Variants in SNX24 observed in about 807,000 individuals in gnomAD.
The protein encoded by SNX24 is sorting nexin-24.
In SNX24, 22 loss-of-function variants were observed where a neutral mutation model predicts 28.7. The observed-to-expected ratio is 0.77, with a 90% CI of 0.55 to 1.10. The LOEUF (loss-of-function observed/expected upper bound fraction) is 1.10. Ranked by LOEUF, SNX24 falls within the 50% of genes least tolerant of loss-of-function variation. The pLI is 0.00. For synonymous variants in SNX24, 69 were observed against 71.5 expected (o/e 0.96, Z 0.18); for missense variants, 221 against 201.1 (o/e 1.10, Z -0.60).
intron 1 of SNX24, among the ~76,000 whole-genome samples, chr5:122,884,876 G>C (rs1756640051): frequency 6.6e-6 from 1 of 152,108 alleles, no homozygotes; most frequent in South Asian, 2.1e-4. Flanking sequence ...TGCACAGCTG[G>C]TCAGAAAAAT....
At chr5:122,967,462 G>A (rs550679032) in intron 3 of SNX24, among the ~76,000 whole-genome samples, 31 of 152,130 alleles carry the variant, frequency 2.0e-4, no homozygotes, top group Non-Finnish European at 4.1e-4. Flanking sequence ...TACCTGAGGG[G>A]CAGCACGTGC....
intron 3 of SNX24, among the ~76,000 whole-genome samples, chr5:122,990,107 C>T (rs1761771389): frequency 1.3e-5 from 2 of 152,156 alleles, no homozygotes; most frequent in South Asian, 4.1e-4. Context: ...GCCTATGAGC[C>T]ATCTCCACAA....
chr5:122,898,110 C>G (rs987075766), intron 1 of SNX24, among the ~76,000 whole-genome samples: 1 of 152,224 alleles, frequency 6.6e-6, no homozygotes. Flanking sequence ...GATCTGTTGT[C>G]TGAAATAATT....
chr5:122,855,520 C>G (rs1022983459), intron 1 of SNX24, among the ~76,000 whole-genome samples: 11 of 152,192 alleles, frequency 7.2e-5, no homozygotes, highest in African/African-American at 2.7e-4. Context: ...GTGGCTCTAA[C>G]TTGTAATCCT....
intron 1 of SNX24, among the ~76,000 whole-genome samples, chr5:122,879,091 A>G (rs1204736832): frequency 6.6e-6 from 1 of 152,264 alleles, no homozygotes; most frequent in Non-Finnish European, 1.5e-5. Flanking sequence ...GATTTAATGC[A>G]ATAAATCCAA....
intron 5 of SNX24, chr5:123,023,837 C>CACA (rs397999141): frequency 1.0e-5 from 16 of 1,592,178 alleles, no homozygotes; most frequent in South Asian, 5.6e-5. Context: ...CACACACACA[C>CACA]CCCTGCCAAA....
chr5:122,858,703 C>A (rs1755318615), intron 1 of SNX24, among the ~76,000 whole-genome samples: 1 of 152,158 alleles, frequency 6.6e-6, no homozygotes, highest in African/African-American at 2.4e-5. Context: ...GGATTTGTGC[C>A]AATCTGATAG....
In SNX24 at chr5:122,987,044, A is replaced by G. The variant is rs187669772; in HGVS notation, c.250-12868A>G. On this transcript the variant is annotated intron_variant, in intron 3 of 6. Coordinates refer to ENST00000261369, the MANE Select transcript of SNX24 (RefSeq NM_014035.4). ...TTTTCTCCGCTATAGCAGGAGGAGGAGAAGATCGATGGAAGTGCAGTATAG... is the reference window on the plus strand; with the variant it reads ...TTTTCTCCGCTATAGCAGGAGGAGGGGAAGATCGATGGAAGTGCAGTATAG... Among the ~76,000 whole-genome samples the G allele has an allele frequency of 5.3e-5, 8 of 152,274 alleles. 1 individual carries two copies. Among genetic ancestry groups the G allele is most frequent in the South Asian group, 2.1e-4 (1 of 4,818 alleles).
intron 3 of SNX24, among the ~76,000 whole-genome samples, chr5:122,979,461 A>G (rs1197928170): frequency 1.3e-5 from 2 of 152,096 alleles, no homozygotes; most frequent in Non-Finnish European, 2.9e-5. Flanking sequence ...GAAGCCAAGA[A>G]GGGCTTATGA....
intron 3 of SNX24, among the ~76,000 whole-genome samples, chr5:122,967,123 G>T (rs1388895042): frequency 6.6e-6 from 1 of 152,144 alleles, no homozygotes; most frequent in Non-Finnish European, 1.5e-5. Context: ...AGTTCTGATG[G>T]AATCTTTTAC....
rs545753417 is a variant in SNX24, at chr5:122,992,254, A to G, written c.250-7658A>G. 2.0e-5 allele frequency among the ~76,000 whole-genome samples: 3 copies of G among 152,320 alleles called. No homozygotes were observed. In the East Asian group the frequency reaches 5.8e-4, roughly 29 times the overall value. Reference sequence around the variant, plus strand: ...TAATGCGTGGTCCCTGGATCTGATGAACACTACTACATATGTTGTAGTTGT... The same window carrying G: ...TAATGCGTGGTCCCTGGATCTGATGGACACTACTACATATGTTGTAGTTGT... On this transcript the variant is annotated intron_variant, in intron 3 of 6. Transcript: ENST00000261369.
At chr5:122,923,128 C>T (rs528479810) in intron 1 of SNX24, among the ~76,000 whole-genome samples, 1 of 152,166 alleles carries the variant, frequency 6.6e-6, no homozygotes, top group African/African-American at 2.4e-5. Flanking sequence ...GCCAAGAGTT[C>T]TAGACCAGCC....
At chr5:122,857,612 C>T (rs1426010026) in intron 1 of SNX24, among the ~76,000 whole-genome samples, 3 of 151,952 alleles carry the variant, frequency 2.0e-5, no homozygotes, top group Non-Finnish European at 4.4e-5. Flanking sequence ...TCTATGTGTC[C>T]ATGTCTTCTC....
At chr5:122,957,138 T>G (rs1267494893) in intron 3 of SNX24, among the ~76,000 whole-genome samples, 1 of 152,232 alleles carries the variant, frequency 6.6e-6, no homozygotes, top group Non-Finnish European at 1.5e-5. Context: ...TCTAAGAGTT[T>G]AATAGTTTAG....
chr5:122,923,737 C>T (rs1301348580), intron 1 of SNX24, among the ~76,000 whole-genome samples: 1 of 152,160 alleles, frequency 6.6e-6, no homozygotes, highest in Non-Finnish European at 1.5e-5. Context: ...TGAAAGAACA[C>T]AGGTGAATCT....
intron 3 of SNX24, among the ~76,000 whole-genome samples, chr5:122,957,708 G>A (rs1332569342): frequency 6.6e-6 from 1 of 152,092 alleles, no homozygotes; most frequent in Non-Finnish European, 1.5e-5. Context: ...TTTCAGACAT[G>A]TTTTGTAGTT....
intron 3 of SNX24, among the ~76,000 whole-genome samples, chr5:122,951,531 A>T (rs937883720): frequency 1.3e-5 from 2 of 152,166 alleles, no homozygotes; most frequent in Non-Finnish European, 2.9e-5. Flanking sequence ...AGTTTCCCAA[A>T]TTGATTTGAC....
At chr5:123,026,740 G>C (rs1294380337) in intron 5 of SNX24, among the ~76,000 whole-genome samples, 1 of 152,204 alleles carries the variant, frequency 6.6e-6, no homozygotes, top group South Asian at 2.1e-4. Context: ...GAAGTCTGGA[G>C]TTCTAGCAAA....
chr5:122,921,272 A>G (rs1396695293), intron 1 of SNX24, among the ~76,000 whole-genome samples: 4 of 152,080 alleles, frequency 2.6e-5, no homozygotes, highest in Non-Finnish European at 5.9e-5. Flanking sequence ...TTATGTGTCC[A>G]TATTTGACAC....
Sources: gnomAD v4.1 joint callset for allele counts (sites outside exome capture counted in the v4.1 genomes callset) on GRCh38, gnomAD v4.1.1 for gene constraint, MANE v1.5 for transcripts, NCBI Gene and HGNC (gene_info 2026-07-23, HGNC 2026-07-21) for gene names.